KPNA1: variants seen among roughly 807,000 people sequenced by gnomAD.
KPNA1 encodes the protein karyopherin subunit alpha 1, also known as importin subunit alpha-5.
In KPNA1, 10 loss-of-function variants were observed where a neutral mutation model predicts 70.5. The observed-to-expected ratio is 0.14, with a 90% CI of 0.09 to 0.24. The LOEUF is 0.24. Among genes scored for constraint, KPNA1 ranks in the 10% least tolerant of loss-of-function variants. The probability of loss-of-function intolerance (pLI) is 1.00; values close to 1 mark genes in which losing one functional copy is unlikely to be tolerated. For synonymous variants in KPNA1, 192 were observed against 221.9 expected (o/e 0.87, Z 1.20); for missense variants, 397 against 637.9 (o/e 0.62, Z 4.07).
intron 2 of KPNA1, among the ~76,000 whole-genome samples, chr3:122,489,561 T>C (rs1166295575): frequency 6.6e-6 from 1 of 152,220 alleles, no homozygotes; most frequent in Non-Finnish European, 1.5e-5. Context: ...TGAACCACCA[T>C]GCCTGGCAGA....
At chr3:122,453,500 G>A (rs1200840637) in intron 6 of KPNA1, among the ~76,000 whole-genome samples, 1 of 151,044 alleles carries the variant, frequency 6.6e-6, no homozygotes, top group Non-Finnish European at 1.5e-5. Flanking sequence ...TTATTATGTT[G>A]GGAAATTTTG....
At chr3:122,508,769 G>C (rs180742058) in intron 1 of KPNA1, among the ~76,000 whole-genome samples, 164 of 152,164 alleles carry the variant, frequency 1.1e-3, no homozygotes, top group African/African-American at 3.8e-3. Flanking sequence ...ACACTTAATA[G>C]AGCTTCCAAT....
At chr3:122,511,761 G>A (rs1253936430) in intron 1 of KPNA1, among the ~76,000 whole-genome samples, 1 of 151,986 alleles carries the variant, frequency 6.6e-6, no homozygotes, top group African/African-American at 2.4e-5. Context: ...ACAAAACAAG[G>A]AGTTATCTTT....
At chr3:122,460,664 A>G in intron 5 of KPNA1, 1 of 814,370 alleles carries the variant, frequency 1.2e-6, no homozygotes, top group Non-Finnish European at 1.5e-6. Context: ...AAAAAAAAAG[A>G]AAATTCTGAA....
At chr3:122,493,904 T>C (rs892504354) in intron 2 of KPNA1, among the ~76,000 whole-genome samples, 1 of 152,200 alleles carries the variant, frequency 6.6e-6, no homozygotes, top group Non-Finnish European at 1.5e-5. Flanking sequence ...TTTTAACTTT[T>C]ATTTATTTGA....
chr3:122,461,725 A>G (rs1182780423), intron 4 of KPNA1, among the ~76,000 whole-genome samples: 2 of 152,194 alleles, frequency 1.3e-5, no homozygotes, highest in Non-Finnish European at 2.9e-5. Context: ...GAATTGCATT[A>G]CAAGATTCTC....
chr3:122,473,957 A>C (rs1330739679), intron 2 of KPNA1, among the ~76,000 whole-genome samples: 2 of 152,194 alleles, frequency 1.3e-5, no homozygotes, highest in Non-Finnish European at 2.9e-5. Context: ...TGGAGAATTC[A>C]AAAGAATCAA....
Position 122,445,606 on chromosome 3 carries a change from C to T in KPNA1, c.918-3490G>A, listed in dbSNP as rs111936441. On this transcript the variant is annotated intron_variant, in intron 9 of 13. Transcript: ENST00000344337. ...GACCATCAATGCTGGGAAGAAACTG[C>T]ATCAGTTAACGGGCAAATTAACCAG... Among the ~76,000 whole-genome samples the T allele has an allele frequency of 2.1e-3, 321 of 152,244 alleles. 4 individuals are homozygous for T. Among genetic ancestry groups the T allele is most frequent in the African/African-American group, 7.2e-3 (298 of 41,542 alleles).
intron 1 of KPNA1, 105 bp from the exon 2 acceptor site, chr3:122,496,675 G>A (rs1265216950): frequency 1.9e-6 from 2 of 1,061,434 alleles, no homozygotes; most frequent in African/African-American, 1.6e-5. Flanking sequence ...TATCCCAAAG[G>A]GACATCAGAA....
intron 10 of KPNA1, among the ~76,000 whole-genome samples, chr3:122,441,480 G>A (rs1251313233): frequency 6.6e-6 from 1 of 152,170 alleles, no homozygotes; most frequent in Non-Finnish European, 1.5e-5. Context: ...TCAAATAGGA[G>A]TGAAGAAAAA....
At chr3:122,492,007 G>A (rs867867637) in intron 2 of KPNA1, among the ~76,000 whole-genome samples, 16 of 150,918 alleles carry the variant, frequency 1.1e-4, no homozygotes, top group Non-Finnish European at 2.4e-4. Flanking sequence ...GACTACAGGC[G>A]CGCGCCACCA....
Position 122,461,240 on chromosome 3 carries a change from T to C in KPNA1, c.416A>G (p.Glu139Gly). The change falls in exon 5 of 14, where the codon GAG (glutamate) becomes GGG (glycine). Residue 139 changes from glutamate to glycine, a missense_variant. Coordinates refer to ENST00000344337, the MANE Select transcript of KPNA1 (RefSeq NM_002264.4). ...TATTCGCACCTGCAGTGTACAATTC[T>C]CTTTTCGTTTGAGGAACTCCACAAA... ...ARFVEFLKRK[E>G]NCTLQFESAW... 6.2e-6 allele frequency: 10 copies of C among 1,611,392 alleles called. No individual in the cohort carries two copies. The highest frequency in any genetic ancestry group is 8.5e-6 in the Non-Finnish European group (10 of 1,177,846).
chr3:122,507,194 A>ACTCC, intron 1 of KPNA1, among the ~76,000 whole-genome samples: 1 of 152,360 alleles, frequency 6.6e-6, no homozygotes, highest in East Asian at 1.9e-4. Flanking sequence ...TAATCCCAGC[A>ACTCC]CTTTGGGAGG....
intron 12 of KPNA1, among the ~76,000 whole-genome samples, chr3:122,431,503 G>A (rs182151053): frequency 6.6e-6 from 1 of 152,140 alleles, no homozygotes; most frequent in Non-Finnish European, 1.5e-5. Flanking sequence ...TCCAAATCTG[G>A]TATCTGCAAC....
chr3:122,481,216 C>A (rs183818585), intron 2 of KPNA1, among the ~76,000 whole-genome samples: 1 of 152,284 alleles, frequency 6.6e-6, no homozygotes, highest in Admixed American at 6.5e-5. Context: ...CATACATCCA[C>A]ACAAAAACTT....
At chr3:122,460,059 T>C in intron 5 of KPNA1, 1 of 985,404 alleles carries the variant, frequency 1.0e-6, no homozygotes, top group Non-Finnish European at 1.2e-6. Flanking sequence ...AATATTTACT[T>C]AGAAAGATAA....
intron 1 of KPNA1, among the ~76,000 whole-genome samples, chr3:122,499,732 C>T (rs2076804349): frequency 6.7e-6 from 1 of 150,260 alleles, no homozygotes; most frequent in Non-Finnish European, 1.5e-5. Flanking sequence ...GTACTCCAGC[C>T]TGGGTGACAG....
chr3:122,485,058 T>C lies in KPNA1; in HGVS notation c.129+11379A>G, dbSNP rs993809901. 2.0e-5 allele frequency among the ~76,000 whole-genome samples: 3 copies of C among 152,026 alleles called. No homozygotes were observed. The East Asian group carries it at 5.8e-4, about 29-fold the overall frequency. On this transcript the variant is annotated intron_variant, in intron 2 of 13. Transcript: ENST00000344337. The stretch of plus-strand genomic sequence containing the variant: ...GACTATAGGTGCATGCTAATTAGTT[T>C]TGTTGTTGTTGCTGTTGTTGTTGTT...
intron 5 of KPNA1, chr3:122,457,878 A>G (rs536688006): frequency 3.2e-5 from 41 of 1,284,828 alleles, no homozygotes; most frequent in Non-Finnish European, 3.9e-5. Flanking sequence ...AAAGGCTCAC[A>G]TCAGAAAAAT....
Sources: gnomAD v4.1 joint callset for allele counts (sites outside exome capture counted in the v4.1 genomes callset) on GRCh38, gnomAD v4.1.1 for gene constraint, MANE v1.5 for transcripts, NCBI Gene and HGNC (gene_info 2026-07-23, HGNC 2026-07-21) for gene names.